Variants in SCUBE1 observed in about 807,000 individuals in gnomAD.
The protein encoded by SCUBE1 is signal peptide, CUB and EGF-like domain-containing protein 1.
In SCUBE1, 59 loss-of-function variants were observed where a neutral mutation model predicts 124.4. The observed-to-expected ratio is 0.47, with a 90% CI of 0.38 to 0.59. SCUBE1 has a LOEUF of 0.59. Among genes scored for constraint, SCUBE1 ranks in the 20% least tolerant of loss-of-function variants. The pLI is 0.00. For synonymous variants in SCUBE1, 545 were observed against 550.9 expected (o/e 0.99, Z 0.15); for missense variants, 1,150 against 1,371.2 (o/e 0.84, Z 2.55).
Position 43,258,365 on chromosome 22 carries a change from G to A in SCUBE1, c.611-30C>T, listed in dbSNP as rs764727345. The A allele has an allele frequency of 1.4e-5, 21 of 1,497,888 alleles. No homozygotes were observed. Among genetic ancestry groups the A allele is most frequent in the African/African-American group, 5.5e-5 (4 of 72,596 alleles). 92.8% of individuals were successfully genotyped at this position (1,497,888 alleles called of 1,614,324 possible). A position where few individuals can be genotyped will look rare whatever the true frequency, so the allele number is the denominator to read the frequency against. On this transcript the variant is annotated intron_variant, in intron 5 of 21. Transcript: ENST00000360835. The surrounding 1 kb of genome is among the most constrained non-coding windows in gnomAD (Gnocchi z 5.0). ...TTAGGCCCAAAGTGTACACACGGGT[G>A]TATAAACAGAACAACAAAAACGGTT...
At position 43,212,576 on chromosome 22, in the gene SCUBE1, G is replaced by A. The variant is rs1326291283; in HGVS notation, c.2070C>T (p.Gly690=). ...VSECGGQCSP[G]FFSADGFKPC... ...GCTTGAAGCCATCGGCCGAGAAGAA[G>A]CCTGGAGAACACTGGCCTGAAAGTC... Residue 690 remains glycine (G), a synonymous_variant, in exon 17 of 22, where the codon GGC becomes GGT. Coordinates refer to ENST00000360835, the MANE Select transcript of SCUBE1 (RefSeq NM_173050.5). 6 of 1,566,878 alleles carry A rather than the reference G, an allele frequency of 3.8e-6. No homozygotes were observed. Among genetic ancestry groups the A allele is most frequent in the Admixed American group, 1.9e-5 (1 of 53,382 alleles).
At chr22:43,295,658 A>C (rs1317382939) in intron 3 of SCUBE1, among the ~76,000 whole-genome samples, 2 of 151,834 alleles carry the variant, frequency 1.3e-5, no homozygotes, top group Non-Finnish European at 2.9e-5. Context: ...CCACCCATTC[A>C]CCTCTGCCCG....
chr22:43,310,123 G>A (rs1421797108), intron 3 of SCUBE1, among the ~76,000 whole-genome samples: 5 of 151,950 alleles, frequency 3.3e-5, no homozygotes, highest in Admixed American at 6.6e-5. Context: ...ACCCAGCCCC[G>A]GCCCGCCTCG....
At chr22:43,256,893 C>T (rs1250165116) in intron 6 of SCUBE1, among the ~76,000 whole-genome samples, 3 of 152,108 alleles carry the variant, frequency 2.0e-5, no homozygotes, top group South Asian at 2.1e-4. Flanking sequence ...GGTCTGAGAC[C>T]GGGTTTGGCT....
intron 1 of SCUBE1, among the ~76,000 whole-genome samples, chr22:43,339,524 TAAGGA>T (rs1307679881): frequency 6.6e-6 from 1 of 151,692 alleles, no homozygotes; most frequent in African/African-American, 2.4e-5. Context: ...AACTGAGGCT[TAAGGA>T]GACAGTGAGG....
intron 3 of SCUBE1, among the ~76,000 whole-genome samples, chr22:43,304,800 C>A (rs990527256): frequency 1.3e-5 from 2 of 152,168 alleles, no homozygotes; most frequent in Middle Eastern, 3.2e-3. Flanking sequence ...ATCTCCACCC[C>A]CCGCAGGGGA....
intron 4 of SCUBE1, among the ~76,000 whole-genome samples, chr22:43,286,209 T>C (rs1925135333): frequency 6.6e-6 from 1 of 152,212 alleles, no homozygotes; most frequent in Non-Finnish European, 1.5e-5. Flanking sequence ...ACGAAGCAGG[T>C]ATTATGACTA....
chr22:43,334,717 T>A (rs896113016), intron 2 of SCUBE1, among the ~76,000 whole-genome samples: 2 of 152,148 alleles, frequency 1.3e-5, no homozygotes, highest in South Asian at 2.1e-4. Context: ...ATCACCCTCA[T>A]CATCAATAGC....
rs772517047 is a variant in SCUBE1 at position 43,212,634 on chromosome 22, C to T, written c.2054-42G>A. Reference sequence around the variant, plus strand: ...ATGGCTCAGGCGGGCAGGAGGGCACCGCAGGGCCGAGGCTGTGGGTGGTCT... The same window carrying T: ...ATGGCTCAGGCGGGCAGGAGGGCACTGCAGGGCCGAGGCTGTGGGTGGTCT... On this transcript the variant is annotated intron_variant, in intron 16 of 21. Coordinates refer to ENST00000360835, the MANE Select transcript of SCUBE1 (RefSeq NM_173050.5). 32 of 1,541,496 alleles carry T rather than the reference C, an allele frequency of 2.1e-5. No homozygotes were observed. In the South Asian group the frequency reaches 2.9e-4, roughly 14 times the overall value.
At position 43,210,351 on chromosome 22, in the gene SCUBE1, GT is replaced by G. The variant is rs755653848; in HGVS notation, c.2384-112del. 80 of 903,188 alleles carry G rather than the reference GT, an allele frequency of 8.9e-5. No individual in the cohort carries two copies. The highest frequency in any genetic ancestry group is 1.2e-4 in the Non-Finnish European group (76 of 634,988). 55.9% of individuals were successfully genotyped at this position (903,188 alleles called of 1,614,324 possible). On this transcript the variant is annotated intron_variant, in intron 18 of 21. Transcript: ENST00000360835. This position sits in a 1 kb window ranked among gnomAD's most constrained non-coding sequence, Gnocchi z 4.5. Reference sequence around the variant, plus strand: ...TAGGGCAGGGCTGGAAGGTGCTCTTGTCCCCCCCCACACTAGCCCTCGGACC... The same window carrying G: ...TAGGGCAGGGCTGGAAGGTGCTCTTGCCCCCCCCACACTAGCCCTCGGACC...
intron 2 of SCUBE1, among the ~76,000 whole-genome samples, chr22:43,325,335 C>T (rs185273905): frequency 8.6e-5 from 13 of 150,776 alleles, no homozygotes; most frequent in African/African-American, 2.4e-4. Flanking sequence ...CCCAGCTACT[C>T]GGGAGGCTGA....
In SCUBE1 at chr22:43,231,889, G is replaced by C; in HGVS notation, c.845-14C>G. The C allele has an allele frequency of 6.2e-7, 1 of 1,610,788 alleles. No homozygotes were observed. The highest frequency in any genetic ancestry group is 8.5e-7 in the Non-Finnish European group (1 of 1,177,410). ...ACTCGTTGATGTCTGTGGGAGCCAA[G>C]GGGGATGGAGGAGTGAGAGCCAGGA... is the stretch of plus-strand genomic sequence containing the variant. On this transcript the variant is annotated splice_polypyrimidine_tract_variant and intron_variant, in intron 7 of 21. Coordinates refer to ENST00000360835, the MANE Select transcript of SCUBE1 (RefSeq NM_173050.5).
intron 2 of SCUBE1, among the ~76,000 whole-genome samples, chr22:43,334,660 T>C (rs933410146): frequency 8.1e-5 from 12 of 148,270 alleles, no homozygotes; most frequent in African/African-American, 2.9e-4. Flanking sequence ...AACATTATCA[T>C]CACCACCATC....
At chr22:43,322,969 A>G (rs1467194765) in intron 2 of SCUBE1, among the ~76,000 whole-genome samples, 3 of 152,232 alleles carry the variant, frequency 2.0e-5, no homozygotes, top group Admixed American at 1.3e-4. Flanking sequence ...ACTAAAGTGC[A>G]GAGAAGTTAG....
chr22:43,247,708 G>A (rs909750942), intron 6 of SCUBE1, among the ~76,000 whole-genome samples: 1 of 152,264 alleles, frequency 6.6e-6, no homozygotes, highest in Non-Finnish European at 1.5e-5. Context: ...AGGGCTGCAG[G>A]AGGAGCAGGC....
At chr22:43,277,860 C>A (rs190658495) in intron 4 of SCUBE1, among the ~76,000 whole-genome samples, 1 of 152,340 alleles carries the variant, frequency 6.6e-6, no homozygotes, top group African/African-American at 2.4e-5. Flanking sequence ...GAATGTTTGC[C>A]CCAGGACTTG....
chr22:43,277,747 C>T (rs1924590760), intron 4 of SCUBE1, among the ~76,000 whole-genome samples: 1 of 152,246 alleles, frequency 6.6e-6, no homozygotes, highest in African/African-American at 2.4e-5. Flanking sequence ...CGTATGACAG[C>T]TTTGCACAGT....
At chr22:43,223,746 T>C (rs1323043368) in intron 10 of SCUBE1, among the ~76,000 whole-genome samples, 2 of 152,196 alleles carry the variant, frequency 1.3e-5, no homozygotes, top group African/African-American at 4.8e-5. Flanking sequence ...CCATGGTAAA[T>C]ACCAGAACTG....
intron 3 of SCUBE1, among the ~76,000 whole-genome samples, chr22:43,313,148 C>A (rs1171843930): frequency 6.6e-6 from 1 of 152,192 alleles, no homozygotes; most frequent in Non-Finnish European, 1.5e-5. Flanking sequence ...GGAGGCTCAA[C>A]CAAAGCTCCC....
Sources: gnomAD v4.1 joint callset for allele counts (sites outside exome capture counted in the v4.1 genomes callset) on GRCh38, gnomAD v4.1.1 for gene constraint, Gnocchi (gnomAD v3.1) non-coding constraint, MANE v1.5 for transcripts, NCBI Gene and HGNC (gene_info 2026-07-23, HGNC 2026-07-21) for gene names.